PLCD4: variants seen among roughly 807,000 people sequenced by gnomAD.
PLCD4 encodes the protein phospholipase C delta 4.
Under a neutral mutation model 90.2 loss-of-function variants are expected in PLCD4, and 63 were observed. The ratio of observed to expected loss-of-function variants is 0.70; its 90% confidence interval spans 0.57 to 0.86. The LOEUF is 0.86. Ranked by LOEUF, PLCD4 falls within the 40% of genes least tolerant of loss-of-function variation. The pLI, the probability that PLCD4 is intolerant of heterozygous loss-of-function variation, is 0.00. For synonymous variants in PLCD4, 294 were observed against 356.5 expected, an observed-to-expected ratio of 0.82 and a Z score of 1.97; for missense variants, 830 against 956.3, an observed-to-expected ratio of 0.87 and a Z score of 1.74.
intron 4 of PLCD4, among the ~76,000 whole-genome samples, chr2:218,620,958 C>A (rs1199558154): frequency 4.1e-5 from 6 of 145,956 alleles, no homozygotes; most frequent in African/African-American, 7.6e-5. Context: ...GAGACAGAAT[C>A]TCACTCCATC....
rs545078262 is a variant in PLCD4 at position 218,630,736 on chromosome 2, C to T, written c.1206C>T (p.Ile402=). The T allele has an allele frequency of 4.3e-6, 7 of 1,614,030 alleles. No homozygotes were observed. The South Asian group carries it at 6.6e-5, about 15-fold the overall frequency. ...QQTMARHLTE[I]LGEQLLSTTL... Reference sequence around the variant, plus strand: ...CCATGGCCCGTCATCTGACTGAGATCCTGGGGGAGCAGCTGCTGAGCACCA... The same window carrying T: ...CCATGGCCCGTCATCTGACTGAGATTCTGGGGGAGCAGCTGCTGAGCACCA... The change falls in exon 9 of 16, where the codon ATC becomes ATT. Residue 402 remains isoleucine, a synonymous_variant. Coordinates refer to ENST00000450993, the MANE Select transcript of PLCD4 (RefSeq NM_032726.4).
intron 3 of PLCD4, among the ~76,000 whole-genome samples, chr2:218,617,325 C>T (rs180898613): frequency 0.016 from 2,355 of 150,558 alleles, 60 homozygotes; most frequent in African/African-American, 0.054. Flanking sequence ...GCCTGTAATC[C>T]CAGCACTTTG....
chr2:218,613,865 C>T (rs1318282410), intron 1 of PLCD4, among the ~76,000 whole-genome samples: 1 of 152,150 alleles, frequency 6.6e-6, no homozygotes, highest in East Asian at 1.9e-4. Flanking sequence ...TGTGCCCAGC[C>T]AAGAATTGAG....
intron 1 of PLCD4, among the ~76,000 whole-genome samples, chr2:218,614,481 G>T (rs140844298): frequency 6.8e-6 from 1 of 147,548 alleles, no homozygotes; most frequent in South Asian, 2.1e-4. Context: ...ACAGAGTCTC[G>T]CTGTGTCGCC....
chr2:218,629,506 G>A lies in PLCD4; in HGVS notation c.975-13G>A. On this transcript the variant is annotated splice_polypyrimidine_tract_variant and intron_variant, in intron 7 of 15. Coordinates refer to ENST00000450993, the MANE Select transcript of PLCD4 (RefSeq NM_032726.4). ...ACCTCTCCTATTTCTCGGTGGGGAT[G>A]GGGTTCTTTCAGGGCCCTGAAGCGG... 1 of 1,610,884 alleles carries A rather than the reference G, an allele frequency of 6.2e-7. No individual in the cohort carries two copies. The highest frequency in any genetic ancestry group is 1.7e-4 in the Middle Eastern group (1 of 6,060).
intron 14 of PLCD4, 90 bp from the exon 15 acceptor site, chr2:218,636,153 C>T (rs1559279659): frequency 2.1e-6 from 3 of 1,436,664 alleles, no homozygotes; most frequent in Non-Finnish European, 2.9e-6. Flanking sequence ...ATGCTGATTG[C>T]CATCTAGATT....
chr2:218,618,831 T>A, intron 4 of PLCD4, 24 bp downstream of exon 4: 1 of 1,555,786 alleles, frequency 6.4e-7, no homozygotes, highest in Non-Finnish European at 8.7e-7. Context: ...GGAGTCAGGG[T>A]GGGGGTGAGG....
intron 1 of PLCD4, among the ~76,000 whole-genome samples, chr2:218,611,023 C>T (rs542104037): frequency 8.9e-4 from 135 of 152,228 alleles, no homozygotes; most frequent in African/African-American, 3.1e-3. Flanking sequence ...CTACCGTGCC[C>T]GGCCAGAGAC....
At chr2:218,612,885 G>T (rs1695406922) in intron 1 of PLCD4, among the ~76,000 whole-genome samples, 1 of 152,188 alleles carries the variant, frequency 6.6e-6, no homozygotes, top group African/African-American at 2.4e-5. Context: ...ACTTTATAGG[G>T]TCTTCCCACA....
Position 218,634,292 on chromosome 2 carries a change from G to A in PLCD4, c.1723+71G>A, listed in dbSNP as rs899437408. 59 of 1,573,054 alleles carry A rather than the reference G, an allele frequency of 3.8e-5. No individual in the cohort carries two copies. In the African/African-American group the frequency reaches 6.6e-4, roughly 18 times the overall value. ...GGTGGGAAATAAGTTCTCTAGTGAT[G>A]GTAGGGTTGGGGAATGCTCAAGAAA... On this transcript the variant is annotated intron_variant, in intron 12 of 15. Transcript: ENST00000450993. This position sits in a 1 kb window ranked among gnomAD's most constrained non-coding sequence, Gnocchi z 4.0.
rs552667801 is a variant in PLCD4 at position 218,626,456 on chromosome 2, C to T, written c.773-1573C>T. On this transcript the variant is annotated intron_variant, in intron 6 of 15. Transcript: ENST00000450993. The stretch of plus-strand genomic sequence containing the variant: ...TGCAGGGCATGGCTCTGACACCTGG[C>T]GGCCTGGGTTCAAATCCCAGCTTCT... Among the ~76,000 whole-genome samples, 7 of 152,250 alleles carry T rather than the reference C, an allele frequency of 4.6e-5. No individual in the cohort carries two copies. The East Asian group carries it at 1.2e-3, about 25-fold the overall frequency.
At chr2:218,628,905 T>G in intron 7 of PLCD4, 1 of 153,690 alleles carries the variant, frequency 6.5e-6, no homozygotes, top group Admixed American at 6.4e-5. Flanking sequence ...ATAACCAGGA[T>G]GTTGTATAGG....
intron 5 of PLCD4, 63 bp from the exon 6 acceptor site, chr2:218,622,584 A>T: frequency 8.0e-7 from 1 of 1,257,670 alleles, no homozygotes; most frequent in Non-Finnish European, 1.1e-6. Context: ...AAATTTTTTT[A>T]ATTAAAAAGA....
In PLCD4 at chr2:218,622,636, C is replaced by G. The variant is rs1219690816; in HGVS notation, c.541-11C>G. On this transcript the variant is annotated splice_polypyrimidine_tract_variant and intron_variant, in intron 5 of 15. Transcript: ENST00000450993. ...AAGTTTCATTCACTCTCCCCTAAAC[C>G]TCTCTTGCAGGCAGCAGACACGTCC... The G allele has an allele frequency of 3.7e-6, 6 of 1,602,324 alleles. No homozygotes were observed. In the African/African-American group the frequency reaches 5.4e-5, roughly 14 times the overall value.
At position 218,634,943 on chromosome 2, in the gene PLCD4, G is replaced by A. The variant is rs1280772666; in HGVS notation, c.1896+313G>A. Among the ~76,000 whole-genome samples, 1 of 152,170 alleles carries A rather than the reference G, an allele frequency of 6.6e-6. No individual in the cohort carries two copies. The highest frequency in any genetic ancestry group is 1.5e-5 in the Non-Finnish European group (1 of 68,046). ...TTACAATTCCTGGCACACAGGAAGT[G>A]CTATAAAAGAGGCTGGCTGGGAGCG... On this transcript the variant is annotated intron_variant, in intron 13 of 15. Coordinates refer to ENST00000450993, the MANE Select transcript of PLCD4 (RefSeq NM_032726.4). The surrounding 1 kb of genome is among the most constrained non-coding windows in gnomAD (Gnocchi z 4.0).
chr2:218,613,563 G>GT (rs913300300), intron 1 of PLCD4, among the ~76,000 whole-genome samples: 3 of 152,172 alleles, frequency 2.0e-5, no homozygotes, highest in African/African-American at 7.2e-5. Context: ...GGTCAAGAAT[G>GT]TTTTTTTGTT....
chr2:218,625,399 G>A (rs916609157), intron 6 of PLCD4, among the ~76,000 whole-genome samples: 6 of 152,040 alleles, frequency 3.9e-5, no homozygotes, highest in African/African-American at 1.2e-4. Context: ...GACCCCTCTT[G>A]GTGTTTCCTT....
rs1553577666 is a variant in PLCD4 at position 218,633,775 on chromosome 2, T to C, written c.1606+14T>C. On this transcript the variant is annotated intron_variant, in intron 11 of 15. Coordinates refer to ENST00000450993, the MANE Select transcript of PLCD4 (RefSeq NM_032726.4). Reference sequence around the variant, plus strand: ...TCAAGGAGGCTGGTCAGGACCAAAATGGAGGGATGGGGAGGGAAGTGGGAT... The same window carrying C: ...TCAAGGAGGCTGGTCAGGACCAAAACGGAGGGATGGGGAGGGAAGTGGGAT... The C allele has an allele frequency of 1.2e-6, 2 of 1,613,114 alleles. No homozygotes were observed. Among genetic ancestry groups the C allele is most frequent in the Admixed American group, 1.7e-5 (1 of 59,940 alleles).
chr2:218,628,237 T>A lies in PLCD4; in HGVS notation c.974+7T>A, dbSNP rs776267627. 3 of 1,612,854 alleles carry A rather than the reference T, an allele frequency of 1.9e-6. No homozygotes were observed. The Admixed American group carries it at 5.0e-5, about 27-fold the overall frequency. Reference sequence around the variant, plus strand: ...GCGTCGAGGGATATATACGGTGCAGTGGTGGTAGAGAAGGGGTCCAACTCA... The same window carrying A: ...GCGTCGAGGGATATATACGGTGCAGAGGTGGTAGAGAAGGGGTCCAACTCA... On this transcript the variant is annotated splice_region_variant and intron_variant, in intron 7 of 15. Coordinates refer to ENST00000450993, the MANE Select transcript of PLCD4 (RefSeq NM_032726.4).
Sources: allele counts gnomAD v4.1 joint callset (sites outside exome capture counted in the v4.1 genomes callset), GRCh38; gene constraint gnomAD v4.1.1; non-coding constraint Gnocchi (gnomAD v3.1); transcripts MANE v1.5; gene names NCBI Gene and HGNC (gene_info 2026-07-23, HGNC 2026-07-21).